HTR1F: variants seen among roughly 807,000 people sequenced by gnomAD.
The protein encoded by HTR1F is 5-hydroxytryptamine receptor 1F, also known as 5-hydroxytryptamine (serotonin) receptor 1F, G protein-coupled.
Under a neutral mutation model 24.0 loss-of-function variants are expected in HTR1F, and 17 were observed. That is an observed-to-expected ratio of 0.71 (90% CI 0.48 to 1.06). The LOEUF (loss-of-function observed/expected upper bound fraction) is 1.06, where lower values mean the gene tolerates loss of function less well. HTR1F is among the 50% of genes least tolerant of loss of function. The probability of loss-of-function intolerance (pLI) is 0.00; values close to 1 mark genes in which losing one functional copy is unlikely to be tolerated. For missense variants in HTR1F, 391 were observed against 427.8 expected (o/e 0.91, Z 0.76); for synonymous variants, 186 against 156.8 (o/e 1.19, Z -1.39).
chr3:87,902,608 A>G (rs1201933416), intron 2 of HTR1F, among the ~76,000 whole-genome samples: 1 of 151,656 alleles, frequency 6.6e-6, no homozygotes, highest in African/African-American at 2.4e-5. Context: ...TTATTTTATC[A>G]TTATTATACT....
At chr3:87,822,151 A>G (rs1431904978) in intron 2 of HTR1F, among the ~76,000 whole-genome samples, 27 bp downstream of exon 2, 1 of 152,202 alleles carries the variant, frequency 6.6e-6, no homozygotes. Context: ...TTAAACCATG[A>G]AGAAAAATAA....
intron 2 of HTR1F, among the ~76,000 whole-genome samples, chr3:87,959,986 G>C (rs1705026588): frequency 6.6e-6 from 1 of 151,878 alleles, no homozygotes; most frequent in Admixed American, 6.6e-5. Flanking sequence ...TGAATAAATA[G>C]TAACATTATT....
At chr3:87,983,325 T>C (rs936240158) in intron 2 of HTR1F, among the ~76,000 whole-genome samples, 1 of 152,176 alleles carries the variant, frequency 6.6e-6, no homozygotes, top group Non-Finnish European at 1.5e-5. Context: ...CAAGGTTCCA[T>C]TGACTGAAGT....
chr3:87,889,063 G>A (rs1360077933), intron 2 of HTR1F, among the ~76,000 whole-genome samples: 1 of 152,040 alleles, frequency 6.6e-6, no homozygotes, highest in African/African-American at 2.4e-5. Flanking sequence ...TAGTCCTCAT[G>A]AGAGCTGGTT....
chr3:87,813,534 C>T (rs1704196018), intron 1 of HTR1F, among the ~76,000 whole-genome samples: 1 of 152,122 alleles, frequency 6.6e-6, no homozygotes, highest in Admixed American at 6.5e-5. Context: ...TGAGTTAAGA[C>T]TTTGGGGGAC....
At chr3:87,952,703 A>G (rs1271258998) in intron 2 of HTR1F, among the ~76,000 whole-genome samples, 11 of 151,994 alleles carry the variant, frequency 7.2e-5, no homozygotes, top group Admixed American at 5.9e-4. Flanking sequence ...CATAGAATAA[A>G]GCAAGTCACC....
At chr3:87,870,421 G>A (rs1705528842) in intron 2 of HTR1F, among the ~76,000 whole-genome samples, 1 of 152,160 alleles carries the variant, frequency 6.6e-6, no homozygotes, top group Non-Finnish European at 1.5e-5. Flanking sequence ...CAGCTTAGAA[G>A]TTGCCATACC....
At chr3:87,948,012 G>GA (rs748830215) in intron 2 of HTR1F, among the ~76,000 whole-genome samples, 2 of 151,890 alleles carry the variant, frequency 1.3e-5, no homozygotes, top group South Asian at 4.2e-4. Context: ...GTCAAAGAGT[G>GA]AAAAAAATCC....
At chr3:87,804,667 G>A (rs1308146677) in intron 1 of HTR1F, among the ~76,000 whole-genome samples, 2 of 151,970 alleles carry the variant, frequency 1.3e-5, no homozygotes, top group African/African-American at 4.8e-5. Flanking sequence ...TACTATAGAT[G>A]TTTATTCTTC....
intron 2 of HTR1F, among the ~76,000 whole-genome samples, chr3:87,968,796 G>C (rs1268675975): frequency 2.6e-5 from 4 of 152,204 alleles, no homozygotes; most frequent in Non-Finnish European, 4.4e-5. Flanking sequence ...GGGCATATAA[G>C]AGACCTTTGT....
chr3:87,864,114 C>T (rs1283361471), intron 2 of HTR1F, among the ~76,000 whole-genome samples: 3 of 152,190 alleles, frequency 2.0e-5, no homozygotes, highest in Non-Finnish European at 2.9e-5. Flanking sequence ...ACATTGGGCT[C>T]ACTCATGTAT....
At chr3:87,824,121 C>T (rs1025228274) in intron 2 of HTR1F, among the ~76,000 whole-genome samples, 2 of 151,822 alleles carry the variant, frequency 1.3e-5, no homozygotes, top group African/African-American at 4.8e-5. Flanking sequence ...TGATTTCTTA[C>T]TTAGATATCA....
At chr3:87,911,649 T>C (rs780160391) in intron 2 of HTR1F, among the ~76,000 whole-genome samples, 2 of 152,112 alleles carry the variant, frequency 1.3e-5, no homozygotes, top group Non-Finnish European at 2.9e-5. Flanking sequence ...TTGATGAATA[T>C]TGATGCAAAA....
chr3:87,965,021 C>G (rs1451153218), intron 2 of HTR1F, among the ~76,000 whole-genome samples: 1 of 152,172 alleles, frequency 6.6e-6, no homozygotes, highest in Non-Finnish European at 1.5e-5. Context: ...CCTCCTTTGC[C>G]TTCTGCCATG....
In HTR1F at chr3:87,859,091, G is replaced by A. The variant is rs528585905; in HGVS notation, c.-43+36967G>A. ...AGATGCCTGTAATCCCAGCCTACTT[G>A]GGAGGCTGAGGCAGGAGAATTGCTT... On this transcript the variant is annotated intron_variant, in intron 2 of 2. Transcript: ENST00000319595. 2.0e-5 allele frequency among the ~76,000 whole-genome samples: 3 copies of A among 152,276 alleles called. No individual in the cohort carries two copies. In the South Asian group the frequency reaches 6.2e-4, roughly 32 times the overall value.
At chr3:87,980,927 G>T (rs529041415) in intron 2 of HTR1F, among the ~76,000 whole-genome samples, 327 of 152,318 alleles carry the variant, frequency 2.1e-3, no homozygotes, top group African/African-American at 7.6e-3. Flanking sequence ...GGCAGGGAGG[G>T]TTCCCATGAC....
At chr3:87,849,728 C>T (rs934300761) in intron 2 of HTR1F, among the ~76,000 whole-genome samples, 1 of 151,842 alleles carries the variant, frequency 6.6e-6, no homozygotes, top group Non-Finnish European at 1.5e-5. Context: ...GGGCTAATAT[C>T]CAGAATCTAC....
At chr3:87,890,858 T>TTC (rs1706064673) in intron 2 of HTR1F, among the ~76,000 whole-genome samples, 1 of 151,708 alleles carries the variant, frequency 6.6e-6, no homozygotes, top group African/African-American at 2.4e-5. Flanking sequence ...TTTTTTTTTT[T>TTC]TGAGACAGAG....
intron 2 of HTR1F, among the ~76,000 whole-genome samples, chr3:87,989,183 C>T (rs1357158391): frequency 6.6e-6 from 1 of 151,944 alleles, no homozygotes. Context: ...TATTATACTC[C>T]AAATGTTCTT....
Sources: allele counts gnomAD v4.1 joint callset (sites outside exome capture counted in the v4.1 genomes callset), GRCh38; gene constraint gnomAD v4.1.1; transcripts MANE v1.5; gene names NCBI Gene and HGNC (gene_info 2026-07-23, HGNC 2026-07-21).